UBE2L6: variants seen among roughly 807,000 people sequenced by gnomAD.
UBE2L6 encodes the protein ubiquitin conjugating enzyme E2 L6, also known as ubiquitin/ISG15-conjugating enzyme E2 L6.
Under a neutral mutation model 13.6 loss-of-function variants are expected in UBE2L6, and 11 were observed. The ratio of observed to expected loss-of-function variants is 0.81; its 90% CI spans 0.51 to 1.34. The LOEUF (loss-of-function observed/expected upper bound fraction) is 1.34. Among genes scored for constraint, UBE2L6 ranks in the 40% most tolerant of loss-of-function variants. UBE2L6 has a pLI of 0.00. For missense variants in UBE2L6, 197 were observed against 199.5 expected (o/e 0.99, Z 0.07); for synonymous variants, 74 against 83.2 (o/e 0.89, Z 0.60).
Position 57,567,057 on chromosome 11 carries a change from TC to T in UBE2L6, c.27+527del, listed in dbSNP as rs1357167634. ...GAGGCCTTCCAGGTCCACCTCCGCA[TC>T]TTTTCCTCCAGAGAATACTCAGGGA... On this transcript the variant is annotated intron_variant, in intron 1 of 3. Coordinates refer to ENST00000287156, the MANE Select transcript of UBE2L6 (RefSeq NM_004223.5). 20 of 451,902 alleles carry T rather than the reference TC, an allele frequency of 4.4e-5. No homozygotes were observed. The East Asian group carries it at 1.4e-3, about 32-fold the overall frequency. The allele number at this position is 451,902 out of a possible 1,614,324, so 28.0% of individuals were successfully genotyped here. A position where few individuals can be genotyped will look rare whatever the true frequency, so the allele number is the denominator to read the frequency against.
intron 2 of UBE2L6, among the ~76,000 whole-genome samples, chr11:57,559,234 T>A (rs1306174388): frequency 1.3e-5 from 2 of 152,234 alleles, no homozygotes. Flanking sequence ...CATGTTGACC[T>A]GACTCAGGCC....
At chr11:57,558,778 C>T (rs1336559754) in intron 2 of UBE2L6, among the ~76,000 whole-genome samples, 2 of 152,194 alleles carry the variant, frequency 1.3e-5, no homozygotes, top group Non-Finnish European at 2.9e-5. Context: ...TCCAAAAGAC[C>T]TTTCCTGGTT....
chr11:57,563,536 A>T (rs1432448251), intron 1 of UBE2L6, among the ~76,000 whole-genome samples: 1 of 151,352 alleles, frequency 6.6e-6, no homozygotes. Flanking sequence ...ACTGAAACGC[A>T]TCAGTCTTTT....
chr11:57,556,748 G>A (rs1376656809), intron 2 of UBE2L6, among the ~76,000 whole-genome samples: 8 of 152,040 alleles, frequency 5.3e-5, no homozygotes, highest in African/African-American at 1.7e-4. Context: ...ATGGGAGGGT[G>A]CTGTGGTTGG....
At chr11:57,567,490 A>C (rs929947830) in intron 1 of UBE2L6, 95 bp downstream of exon 1, 9 of 1,529,138 alleles carry the variant, frequency 5.9e-6, no homozygotes, top group Non-Finnish European at 7.1e-6. Flanking sequence ...ACAAATAAAT[A>C]AATGTGCTCG....
rs1373615861 is a variant in UBE2L6 at position 57,554,721 on chromosome 11, G to GA, written c.124-99dup. On this transcript the variant is annotated intron_variant, in intron 2 of 3. Transcript: ENST00000287156. Reference sequence around the variant, plus strand: ...GCATCCTCTGCTTCACTCCCAGGAGGAATCATGAGCCAGGACACACACAGC... The same window carrying GA: ...GCATCCTCTGCTTCACTCCCAGGAGGAAATCATGAGCCAGGACACACACAGC... The GA allele has an allele frequency of 2.9e-5, 38 of 1,324,988 alleles. No individual in the cohort carries two copies. The Middle Eastern group carries it at 7.2e-4, about 25-fold the overall frequency. 82.1% of individuals were successfully genotyped at this position (1,324,988 alleles called of 1,614,324 possible). A position where few individuals can be genotyped will look rare whatever the true frequency, so the allele number is the denominator to read the frequency against.
chr11:57,555,110 C>G (rs913466226), intron 2 of UBE2L6, among the ~76,000 whole-genome samples: 5 of 152,162 alleles, frequency 3.3e-5, no homozygotes, highest in Non-Finnish European at 7.3e-5. Flanking sequence ...GGCCATTTCT[C>G]AAAAGATTAG....
Position 57,567,582 on chromosome 11 carries a change from T to G in UBE2L6, c.27+3A>C. 6.2e-7 allele frequency: 1 copy of G among 1,607,766 alleles called. No individual in the cohort carries two copies. Among genetic ancestry groups the G allele is most frequent in the Non-Finnish European group, 8.5e-7 (1 of 1,178,042 alleles). The stretch of plus-strand genomic sequence containing the variant: ...AGAAAGGGGTCATCCTATACGCGGT[T>G]ACCTTCACCACTCGCATGCTCGCCA... On this transcript the variant is annotated splice_donor_region_variant and intron_variant, in intron 1 of 3. Transcript: ENST00000287156.
At chr11:57,553,755 G>A (rs1944976410) in intron 3 of UBE2L6, among the ~76,000 whole-genome samples, 2 of 152,160 alleles carry the variant, frequency 1.3e-5, no homozygotes, top group Non-Finnish European at 2.9e-5. Flanking sequence ...GAACCTGGGA[G>A]GTGGAGGTTG....
intron 1 of UBE2L6, among the ~76,000 whole-genome samples, chr11:57,566,467 G>T: frequency 6.6e-6 from 1 of 152,188 alleles, no homozygotes; most frequent in South Asian, 2.1e-4. Context: ...TGTAAAATGC[G>T]GGTATATATT....
intron 2 of UBE2L6, among the ~76,000 whole-genome samples, chr11:57,555,250 TG>T (rs1362946924): frequency 2.0e-5 from 3 of 152,330 alleles, no homozygotes; most frequent in Admixed American, 2.0e-4. Flanking sequence ...TGTCTATCAA[TG>T]GATCAATCAA....
intron 2 of UBE2L6, among the ~76,000 whole-genome samples, chr11:57,560,115 T>C (rs1052710408): frequency 3.3e-5 from 5 of 152,186 alleles, no homozygotes; most frequent in African/African-American, 1.2e-4. Context: ...AGGGGTCTCC[T>C]ACTAAGTCAA....
intron 3 of UBE2L6, 39 bp downstream of exon 3, chr11:57,554,398 C>T (rs1483139155): frequency 1.2e-6 from 2 of 1,605,324 alleles, no homozygotes; most frequent in South Asian, 2.2e-5. Context: ...TAATCTCTAC[C>T]CAGTATCAGT....
chr11:57,564,990 C>A (rs1945075931), intron 1 of UBE2L6, among the ~76,000 whole-genome samples: 1 of 151,942 alleles, frequency 6.6e-6, no homozygotes, highest in African/African-American at 2.4e-5. Context: ...CTCATGTAAT[C>A]CCAGCACTTT....
intron 1 of UBE2L6, 21 bp from the exon 2 acceptor site, chr11:57,560,453 T>C: frequency 6.3e-7 from 1 of 1,580,930 alleles, no homozygotes; most frequent in South Asian, 1.1e-5. Context: ...CACAAGTGAG[T>C]GGGCAGTTGG....
intron 2 of UBE2L6, among the ~76,000 whole-genome samples, chr11:57,557,345 A>G (rs1360651534): frequency 6.7e-6 from 1 of 149,148 alleles, no homozygotes; most frequent in African/African-American, 2.5e-5. Context: ...TTCCACCATG[A>G]GTGGAAGCTT....
Position 57,554,156 on chromosome 11 carries a change from C to T in UBE2L6, c.310+281G>A, listed in dbSNP as rs559618497. 8.7e-4 allele frequency among the ~76,000 whole-genome samples: 132 copies of T among 152,166 alleles called. 1 individual carries two copies. Among genetic ancestry groups the T allele is most frequent in the Non-Finnish European group, 1.1e-3 (72 of 68,034 alleles). The stretch of plus-strand genomic sequence containing the variant: ...TGCCCAAAGTCCACAGAGGGAACAG[C>T]GGGCTTTCTTTTCCCGAGCCCTTCC... On this transcript the variant is annotated intron_variant, in intron 3 of 3. Transcript: ENST00000287156.
intron 1 of UBE2L6, 104 bp from the exon 2 acceptor site, chr11:57,560,536 T>C: frequency 1.2e-6 from 1 of 800,574 alleles, no homozygotes; most frequent in Non-Finnish European, 2.1e-6. Context: ...ACTGGCCATC[T>C]TAGGGGCAGA....
chr11:57,554,931 C>A (rs1396536457), intron 2 of UBE2L6, among the ~76,000 whole-genome samples: 1 of 152,088 alleles, frequency 6.6e-6, no homozygotes, highest in African/African-American at 2.4e-5. Flanking sequence ...TAGATGAGCT[C>A]TAAGGACCAT....
Sources: gnomAD v4.1 joint callset for allele counts (sites outside exome capture counted in the v4.1 genomes callset) on GRCh38, gnomAD v4.1.1 for gene constraint, MANE v1.5 for transcripts, NCBI Gene and HGNC (gene_info 2026-07-23, HGNC 2026-07-21) for gene names.